Variants in NTRK3 observed in about 807,000 individuals in gnomAD.
NTRK3 encodes neurotrophic receptor tyrosine kinase 3.
NTRK3 carries 24 observed loss-of-function variants against 91.7 expected under a neutral mutation model. The observed-to-expected ratio is 0.26, with a 90% CI of 0.19 to 0.37. The LOEUF is 0.37. Ranked by LOEUF, NTRK3 falls within the 10% of genes least tolerant of loss-of-function variation. The probability of loss-of-function intolerance (pLI) is 1.00; values close to 1 mark genes in which losing one functional copy is unlikely to be tolerated. For missense variants in NTRK3, 880 were observed against 1,068.9 expected, an observed-to-expected ratio of 0.82 and a Z score of 2.46; for synonymous variants, 483 against 404.0, an observed-to-expected ratio of 1.20 and a Z score of -2.34.
At chr15:88,006,275 C>G (rs112393297) in intron 14 of NTRK3, among the ~76,000 whole-genome samples, 43 of 152,308 alleles carry the variant, frequency 2.8e-4, no homozygotes, top group Admixed American at 6.5e-4. Context: ...GAGTGTTCCT[C>G]GGGAAAGGGA....
At chr15:87,863,974 T>TACACACACACACACACATAC (rs1199179523) in exon 19 of NTRK3, 60 of 211,550 alleles carry the variant, frequency 2.8e-4, no homozygotes, top group African/African-American at 1.4e-3. Context: ...CCAGGCAAAA[T>TACACACACACACACACATAC]ACACACACAC....
chr15:88,103,512 G>T (rs148480715), intron 13 of NTRK3, among the ~76,000 whole-genome samples: 141 of 152,298 alleles, frequency 9.3e-4, no homozygotes, highest in Middle Eastern at 6.8e-3. Context: ...ATTCACCAGA[G>T]TGGCGAAAGA....
chr15:87,979,154 G>A, intron 14 of NTRK3: 6 of 633,112 alleles, frequency 9.5e-6, no homozygotes, highest in Non-Finnish European at 1.7e-5. Context: ...GAGGGAAGGG[G>A]CAACCCTGCC....
chr15:88,066,523 A>C (rs1472059410), intron 13 of NTRK3, among the ~76,000 whole-genome samples: 1 of 152,188 alleles, frequency 6.6e-6, no homozygotes, highest in Non-Finnish European at 1.5e-5. Context: ...TTCCACAGCC[A>C]AACAGTATAG....
intron 14 of NTRK3, among the ~76,000 whole-genome samples, chr15:88,016,264 C>G (rs1042659280): frequency 6.6e-6 from 1 of 152,190 alleles, no homozygotes; most frequent in African/African-American, 2.4e-5. Context: ...CTAACCAGAG[C>G]TGTGACCACC....
chr15:88,099,929 T>G (rs1218189907), intron 13 of NTRK3, among the ~76,000 whole-genome samples: 1 of 152,136 alleles, frequency 6.6e-6, no homozygotes, highest in Non-Finnish European at 1.5e-5. Context: ...GACATGGAGT[T>G]GACAAGGATA....
chr15:88,206,722 A>G (rs2048826363), intron 3 of NTRK3, among the ~76,000 whole-genome samples: 1 of 151,226 alleles, frequency 6.6e-6, no homozygotes. Context: ...CTGAGGAGAA[A>G]CCCACACTCC....
chr15:88,038,288 C>T (rs2079255395), intron 13 of NTRK3, among the ~76,000 whole-genome samples: 1 of 152,218 alleles, frequency 6.6e-6, no homozygotes, highest in Non-Finnish European at 1.5e-5. Context: ...ATCGCACCAT[C>T]AGACTCTTGC....
At chr15:88,208,790 C>G (rs957882575) in intron 3 of NTRK3, among the ~76,000 whole-genome samples, 5 of 152,204 alleles carry the variant, frequency 3.3e-5, no homozygotes, top group Non-Finnish European at 7.3e-5. Context: ...ACCTAGGGAA[C>G]CTTTTGAAAA....
chr15:87,877,210 A>ATTAGT, intron 18 of NTRK3, 90 bp from the exon 20 acceptor site: 3 of 1,335,780 alleles, frequency 2.2e-6, no homozygotes, highest in Non-Finnish European at 3.2e-6. Flanking sequence ...AACTTCCCGG[A>ATTAGT]TTAGTTTCTA....
chr15:88,087,687 T>C (rs1269583459), intron 13 of NTRK3, among the ~76,000 whole-genome samples: 6 of 152,184 alleles, frequency 3.9e-5, no homozygotes, highest in Non-Finnish European at 2.9e-5. Context: ...CCCAGAGATG[T>C]CACCATCTCG....
At chr15:88,209,199 G>C (rs2049033989) in intron 3 of NTRK3, among the ~76,000 whole-genome samples, 1 of 152,192 alleles carries the variant, frequency 6.6e-6, no homozygotes, top group African/African-American at 2.4e-5. Context: ...GGATGCATAG[G>C]AGTTTTCTAG....
At chr15:87,861,253 A>G (rs1295181393) in exon 19 of NTRK3, 2 of 218,518 alleles carry the variant, frequency 9.2e-6, no homozygotes, top group Admixed American at 1.2e-4. Context: ...GAAATCAGTT[A>G]CAACAGTACC....
In NTRK3 at chr15:88,128,751, A is replaced by C; in HGVS notation, c.1205-17T>G. The C allele has an allele frequency of 1.2e-6, 2 of 1,612,888 alleles. No homozygotes were observed. The highest frequency in any genetic ancestry group is 1.7e-6 in the Non-Finnish European group (2 of 1,178,890). On this transcript the variant is annotated splice_polypyrimidine_tract_variant and intron_variant, in intron 10 of 18. Coordinates refer to ENST00000394480, the Ensembl canonical transcript of NTRK3. ...CCGTGCTCTCTGCAAAAAAAGGACA[A>C]AGAGATAATTAACAAATTTAATAAA...
At chr15:87,873,766 G>A (rs1271928935) in exon 19 of NTRK3, 1 of 231,684 alleles carries the variant, frequency 4.3e-6, no homozygotes, top group Non-Finnish European at 8.5e-6. Flanking sequence ...ATGCCAGGAT[G>A]GGAAGCCGAC....
intron 14 of NTRK3, among the ~76,000 whole-genome samples, chr15:88,007,992 A>G (rs1303227663): frequency 2.6e-5 from 4 of 152,182 alleles, no homozygotes; most frequent in Admixed American, 6.5e-5. Context: ...ATCTACTGGG[A>G]TGACTTGGCC....
intron 17 of NTRK3, 37 bp downstream of exon 18, chr15:87,885,657 G>T (rs1467486320): frequency 8.9e-7 from 1 of 1,129,194 alleles, no homozygotes; most frequent in South Asian, 1.6e-5. Flanking sequence ...TTGGGACAAT[G>T]AACTATTCAT....
At chr15:87,969,322 G>A (rs934437338) in intron 14 of NTRK3, among the ~76,000 whole-genome samples, 1 of 152,220 alleles carries the variant, frequency 6.6e-6, no homozygotes, top group Non-Finnish European at 1.5e-5. Context: ...CCCTTTAAGG[G>A]AAAGAGGTAA....
intron 13 of NTRK3, among the ~76,000 whole-genome samples, chr15:88,122,613 GTGTT>G (rs1156410796): frequency 6.6e-6 from 1 of 152,234 alleles, no homozygotes; most frequent in East Asian, 1.9e-4. Flanking sequence ...GGGAATATGG[GTGTT>G]TGTTATATTA....
Sources: allele counts gnomAD v4.1 joint callset (sites outside exome capture counted in the v4.1 genomes callset), GRCh38; gene constraint gnomAD v4.1.1; transcripts MANE v1.5; gene names NCBI Gene and HGNC (gene_info 2026-07-23, HGNC 2026-07-21).